DCC: variants seen among roughly 807,000 people sequenced by gnomAD.
The protein encoded by DCC is netrin receptor DCC.
In DCC, 58 loss-of-function variants were observed where a neutral mutation model predicts 172.5. The observed-to-expected ratio is 0.34, with a 90% CI of 0.27 to 0.42. The LOEUF is 0.42. Among genes scored for constraint, DCC ranks in the 10% least tolerant of loss-of-function variants. The pLI is 1.00. For missense variants in DCC, 1,740 were observed against 1,791.0 expected, an observed-to-expected ratio of 0.97 and a Z score of 0.51; for synonymous variants, 709 against 644.5, an observed-to-expected ratio of 1.10 and a Z score of -1.52.
rs145436745 is a variant in DCC, at chr18:52,955,800, A to G, written c.985+30430A>G. ...TTTATTTTTAATTCTCAAATAACAT[A>G]ACATATGATACTGAATGCATGTTAT... On this transcript the variant is annotated intron_variant, in intron 5 of 28. Coordinates refer to ENST00000442544, the MANE Select transcript of DCC (RefSeq NM_005215.4). Among the ~76,000 whole-genome samples the G allele has an allele frequency of 3.2e-4, 49 of 152,244 alleles. 3 individuals carry two copies. In the East Asian group the frequency reaches 9.1e-3, roughly 28 times the overall value.
Position 52,879,412 on chromosome 18 carries a change from C to CTTTTTTTTTTTTTTTTTTTTTT in DCC, c.413-26624_413-26603dup, listed in dbSNP as rs71175533. Among the ~76,000 whole-genome samples the CTTTTTTTTTTTTTTTTTTTTTT allele has an allele frequency of 2.2e-3, 135 of 62,304 alleles. 36 individuals carry two copies. The highest frequency in any genetic ancestry group is 4.1e-3 in the East Asian group (7 of 1,700). 40.9% of individuals were successfully genotyped at this position (62,304 alleles called of 152,430 possible). A position where few individuals can be genotyped will look rare whatever the true frequency, so the allele number is the denominator to read the frequency against. On this transcript the variant is annotated intron_variant, in intron 2 of 28. Coordinates refer to ENST00000442544, the MANE Select transcript of DCC (RefSeq NM_005215.4). Reference sequence around the variant, plus strand: ...AATTTCTAGCCCATATGTTGTTTGGCTTTTTTTTTTTTTTTTTTTTTTTTT... The same window carrying CTTTTTTTTTTTTTTTTTTTTTT: ...AATTTCTAGCCCATATGTTGTTTGGCTTTTTTTTTTTTTTTTTTTTTTTTTTTTTTTTTTTTTTTTTTTTTTT...
rs1568198593 is a variant in DCC, at chr18:52,497,306, T to TACACAC, written c.91+156429_91+156430insCACACA. Among the ~76,000 whole-genome samples the TACACAC allele has an allele frequency of 3.3e-5, 3 of 91,154 alleles. 1 individual carries two copies. The highest frequency in any genetic ancestry group is 1.1e-4 in the African/African-American group (3 of 26,116). 59.8% of individuals were successfully genotyped at this position (91,154 alleles called of 152,430 possible). A position where few individuals can be genotyped will look rare whatever the true frequency, so the allele number is the denominator to read the frequency against. On this transcript the variant is annotated intron_variant, in intron 1 of 28. Coordinates refer to ENST00000442544, the MANE Select transcript of DCC (RefSeq NM_005215.4). ...ATATATATATATATATATATATATA[T>TACACAC]ATATATATACACACACACATATATA... is the stretch of plus-strand genomic sequence containing the variant.
chr18:52,721,108 G>C (rs1241511374), intron 1 of DCC, among the ~76,000 whole-genome samples: 1 of 152,162 alleles, frequency 6.6e-6, no homozygotes, highest in Non-Finnish European at 1.5e-5. Context: ...TTGAGAGGTG[G>C]GCTGGGGCAG....
intron 15 of DCC, among the ~76,000 whole-genome samples, chr18:53,341,196 C>T (rs999164861): frequency 1.3e-5 from 2 of 152,186 alleles, no homozygotes; most frequent in African/African-American, 4.8e-5. Flanking sequence ...GACAGTTCAT[C>T]TTGATGCCAC....
intron 22 of DCC, 138 bp from the exon 23 acceptor site, chr18:53,450,362 C>A: frequency 1.2e-6 from 1 of 839,706 alleles, no homozygotes; most frequent in Non-Finnish European, 2.0e-6. Context: ...TTTTTCATTG[C>A]TTCCCTCGAA....
chr18:52,546,416 C>G (rs1287996550), intron 1 of DCC, among the ~76,000 whole-genome samples: 3 of 152,048 alleles, frequency 2.0e-5, no homozygotes, highest in Non-Finnish European at 2.9e-5. Flanking sequence ...GGGAGCAGCA[C>G]AGCCTGGGTT....
At chr18:53,386,756 C>A (rs1301906093) in intron 16 of DCC, among the ~76,000 whole-genome samples, 1 of 152,094 alleles carries the variant, frequency 6.6e-6, no homozygotes, top group Non-Finnish European at 1.5e-5. Flanking sequence ...ACTGTAAAGG[C>A]AGTACATAAG....
At chr18:53,456,500 A>G (rs1259962653) in intron 23 of DCC, among the ~76,000 whole-genome samples, 1 of 152,222 alleles carries the variant, frequency 6.6e-6, no homozygotes, top group Non-Finnish European at 1.5e-5. Context: ...GAAATACTCT[A>G]TGTCAAATAG....
chr18:53,112,821 T>C (rs779290593), intron 7 of DCC, among the ~76,000 whole-genome samples: 7 of 151,576 alleles, frequency 4.6e-5, no homozygotes, highest in Non-Finnish European at 1.0e-4. Context: ...GGTGAAGTAC[T>C]CTGTACTACC....
chr18:52,484,607 T>C (rs1206233324), intron 1 of DCC, among the ~76,000 whole-genome samples: 3 of 152,028 alleles, frequency 2.0e-5, no homozygotes, highest in Admixed American at 1.3e-4. Context: ...TTTCCTCATC[T>C]GTAAGATATA....
intron 1 of DCC, among the ~76,000 whole-genome samples, chr18:52,601,019 C>A (rs78597948): frequency 0.02 from 3,003 of 152,014 alleles, 101 homozygotes; most frequent in East Asian, 0.09. Flanking sequence ...ATAAAAAGGA[C>A]TTTTACATGT....
chr18:53,343,823 A>T (rs2057689587), intron 15 of DCC, among the ~76,000 whole-genome samples: 2 of 151,922 alleles, frequency 1.3e-5, no homozygotes, highest in Admixed American at 6.6e-5. Flanking sequence ...AATAGATTTA[A>T]TTTTTTATAC....
At chr18:52,906,417 G>A in intron 3 of DCC, 89 bp downstream of exon 3, 1 of 1,347,904 alleles carries the variant, frequency 7.4e-7, no homozygotes, top group Non-Finnish European at 1.1e-6. Context: ...ATTTGTAATT[G>A]TTATAAGTTC....
At chr18:52,779,277 T>A (rs1043914697) in intron 2 of DCC, among the ~76,000 whole-genome samples, 1 of 152,072 alleles carries the variant, frequency 6.6e-6, no homozygotes, top group Admixed American at 6.6e-5. Flanking sequence ...CTACGTTAGG[T>A]ATTTCTCCTA....
intron 1 of DCC, among the ~76,000 whole-genome samples, chr18:52,622,865 A>C (rs1490072856): frequency 1.3e-5 from 2 of 152,246 alleles, no homozygotes; most frequent in Admixed American, 1.3e-4. Context: ...TGATCATAGA[A>C]GGAATTTTTG....
chr18:53,492,387 A>T (rs1471464141), intron 26 of DCC, among the ~76,000 whole-genome samples: 2 of 152,116 alleles, frequency 1.3e-5, no homozygotes, highest in Admixed American at 1.3e-4. Flanking sequence ...TCCCGTGCTT[A>T]TGTCCTGAAT....
At chr18:53,227,496 ACT>A (rs2056051957) in intron 12 of DCC, among the ~76,000 whole-genome samples, 2 of 151,904 alleles carry the variant, frequency 1.3e-5, no homozygotes, top group South Asian at 2.1e-4. Context: ...CTACTGGAAA[ACT>A]CTATGTAAAA....
intron 7 of DCC, among the ~76,000 whole-genome samples, chr18:53,076,429 T>C (rs1349617027): frequency 6.6e-6 from 1 of 152,154 alleles, no homozygotes; most frequent in African/African-American, 2.4e-5. Context: ...GTATCCCTTT[T>C]GCTTAGGGTA....
chr18:53,240,242 A>ATTT (rs2056274264), intron 12 of DCC, among the ~76,000 whole-genome samples: 1 of 152,068 alleles, frequency 6.6e-6, no homozygotes, highest in Non-Finnish European at 1.5e-5. Context: ...AGACATGCTC[A>ATTT]TATTTAAAAA....
Sources: gnomAD v4.1 joint callset for allele counts (sites outside exome capture counted in the v4.1 genomes callset) on GRCh38, gnomAD v4.1.1 for gene constraint, MANE v1.5 for transcripts, NCBI Gene and HGNC (gene_info 2026-07-23, HGNC 2026-07-21) for gene names.